The following SPPL3 variants were observed in gnomAD, a reference collection of about 807,000 sequenced individuals.
The protein encoded by SPPL3 is signal peptide peptidase-like 3.
SPPL3 carries 5 observed loss-of-function variants against 42.4 expected under a neutral mutation model. The observed-to-expected ratio is 0.12, with a 90% CI of 0.06 to 0.25. The LOEUF is 0.25. Among genes scored for constraint, SPPL3 ranks in the 10% least tolerant of loss-of-function variants. SPPL3 has a pLI of 1.00. For missense variants in SPPL3, 235 were observed against 489.0 expected (o/e 0.48, Z 4.90); for synonymous variants, 195 against 181.8 (o/e 1.07, Z -0.58).
At chr12:120,859,969 A>G (rs1872577909) in intron 1 of SPPL3, among the ~76,000 whole-genome samples, 1 of 152,168 alleles carries the variant, frequency 6.6e-6, no homozygotes, top group East Asian at 1.9e-4. Context: ...AGCTGGGTGC[A>G]GTGGCTCATT....
chr12:120,829,372 G>A (rs1004115278), intron 1 of SPPL3, among the ~76,000 whole-genome samples: 1 of 152,144 alleles, frequency 6.6e-6, no homozygotes, highest in African/African-American at 2.4e-5. Context: ...ACGGCAGGCG[G>A]ATCACTTGAG....
intron 2 of SPPL3, among the ~76,000 whole-genome samples, chr12:120,803,519 T>G (rs1214728982): frequency 6.6e-6 from 1 of 151,936 alleles, no homozygotes; most frequent in African/African-American, 2.4e-5. Context: ...TTTTCTCAGC[T>G]CCAGAAAGGA....
intron 1 of SPPL3, among the ~76,000 whole-genome samples, chr12:120,847,770 A>G (rs1872092121): frequency 6.6e-6 from 1 of 152,094 alleles, no homozygotes; most frequent in Non-Finnish European, 1.5e-5. Context: ...TGAATCTAGT[A>G]AAAAGGGAGC....
intron 1 of SPPL3, among the ~76,000 whole-genome samples, chr12:120,889,002 TG>T (rs1873550765): frequency 6.6e-6 from 1 of 152,016 alleles, no homozygotes; most frequent in Admixed American, 6.6e-5. Flanking sequence ...TTAGTAGAGA[TG>T]GGGTTTCGTC....
chr12:120,779,704 T>G (rs1388450140), intron 6 of SPPL3, among the ~76,000 whole-genome samples: 6 of 151,054 alleles, frequency 4.0e-5, no homozygotes, highest in Non-Finnish European at 8.8e-5. Context: ...CCAGCTGCGG[T>G]GGGCTCACGC....
chr12:120,783,624 G>C (rs754527217), intron 5 of SPPL3, 50 bp downstream of exon 5: 3 of 1,500,918 alleles, frequency 2.0e-6, no homozygotes, highest in Non-Finnish European at 1.8e-6. Context: ...AAATATGACA[G>C]AAAAATATAT....
At chr12:120,862,195 TAA>T (rs1317006748) in intron 1 of SPPL3, among the ~76,000 whole-genome samples, 1 of 152,218 alleles carries the variant, frequency 6.6e-6, no homozygotes, top group African/African-American at 2.4e-5. Flanking sequence ...CATTTTAAAA[TAA>T]ACTCATTATA....
chr12:120,871,143 A>AAAAAAAG (rs1291095514), intron 1 of SPPL3, among the ~76,000 whole-genome samples: 1 of 150,244 alleles, frequency 6.7e-6, no homozygotes, highest in Non-Finnish European at 1.5e-5. Flanking sequence ...AAAAAAAAAA[A>AAAAAAAG]AAAAAAGAAA....
chr12:120,902,030 A>C, intron 1 of SPPL3: 17 of 508,628 alleles, frequency 3.3e-5, no homozygotes, highest in Non-Finnish European at 4.3e-5. Flanking sequence ...TGAGAAGCTC[A>C]AGATGAGTAA....
chr12:120,813,463 G>A (rs778920810), intron 1 of SPPL3, among the ~76,000 whole-genome samples: 2 of 151,442 alleles, frequency 1.3e-5, no homozygotes, highest in African/African-American at 4.9e-5. Context: ...GGTTACAGGC[G>A]CCCCCCCACC....
At chr12:120,848,826 G>A (rs569116679) in intron 1 of SPPL3, among the ~76,000 whole-genome samples, 1 of 152,208 alleles carries the variant, frequency 6.6e-6, no homozygotes, top group East Asian at 1.9e-4. Context: ...GGACAAAAAT[G>A]CCTTAAAAAT....
At chr12:120,853,983 T>TACACACACGC (rs1872355693) in intron 1 of SPPL3, among the ~76,000 whole-genome samples, 1 of 130,216 alleles carries the variant, frequency 7.7e-6, no homozygotes, top group African/African-American at 3.0e-5. Context: ...CACGCACACA[T>TACACACACGC]ACACACACAC....
At chr12:120,853,103 G>A (rs1462491609) in intron 1 of SPPL3, among the ~76,000 whole-genome samples, 1 of 151,272 alleles carries the variant, frequency 6.6e-6, no homozygotes, top group Non-Finnish European at 1.5e-5. Flanking sequence ...GACTGTGTTG[G>A]CCAGGCTGGT....
chr12:120,862,141 T>C (rs1872632988), intron 1 of SPPL3, among the ~76,000 whole-genome samples: 1 of 152,196 alleles, frequency 6.6e-6, no homozygotes, highest in Non-Finnish European at 1.5e-5. Context: ...TCCTGATATT[T>C]ACCATATTAG....
intron 1 of SPPL3, among the ~76,000 whole-genome samples, chr12:120,834,188 C>T (rs1221009561): frequency 1.3e-5 from 2 of 152,202 alleles, no homozygotes; most frequent in African/African-American, 4.8e-5. Flanking sequence ...TTTAAGTCTT[C>T]AGTTTATAAC....
At chr12:120,774,389 A>G (rs1566038064) in intron 6 of SPPL3, among the ~76,000 whole-genome samples, 1 of 152,218 alleles carries the variant, frequency 6.6e-6, no homozygotes, top group Non-Finnish European at 1.5e-5. Flanking sequence ...GTCTAATTAT[A>G]AAGTTGCATA....
chr12:120,768,526 G>A, intron 7 of SPPL3, 38 bp from the exon 8 acceptor site: 2 of 1,582,362 alleles, frequency 1.3e-6, no homozygotes, highest in African/African-American at 1.3e-5. Flanking sequence ...AGAGGGAGTT[G>A]GAAGCAACCT....
At chr12:120,830,896 C>A (rs902207613) in intron 1 of SPPL3, among the ~76,000 whole-genome samples, 9 of 152,130 alleles carry the variant, frequency 5.9e-5, no homozygotes, top group African/African-American at 1.9e-4. Flanking sequence ...TGCCCAGCTA[C>A]GTGGTTATAC....
Position 120,768,616 on chromosome 12 carries a change from AT to A in SPPL3, c.610-129del, listed in dbSNP as rs1868993310. The stretch of plus-strand genomic sequence containing the variant: ...CTGCAATGCTTTCGTTGACTGTATG[AT>A]TTGAGAAAATCTTTGCTCTTCCTGT... On this transcript the variant is annotated intron_variant, in intron 7 of 10. Coordinates refer to ENST00000353487, the MANE Select transcript of SPPL3 (RefSeq NM_139015.5). 4.5e-6 allele frequency: 5 copies of A among 1,106,374 alleles called. No individual in the cohort carries two copies. The South Asian group carries it at 7.6e-5, about 17-fold the overall frequency. The allele number at this position is 1,106,374 out of a possible 1,614,324, so 68.5% of individuals were successfully genotyped here.
Sources: gnomAD v4.1 joint callset for allele counts (sites outside exome capture counted in the v4.1 genomes callset) on GRCh38, gnomAD v4.1.1 for gene constraint, MANE v1.5 for transcripts, NCBI Gene and HGNC (gene_info 2026-07-23, HGNC 2026-07-21) for gene names.